Variants in ZDHHC3 observed in about 807,000 individuals in gnomAD.
ZDHHC3 encodes zDHHC palmitoyltransferase 3.
A neutral mutation model predicts 30.6 loss-of-function variants in ZDHHC3; 9 were observed. The observed-to-expected ratio is 0.29, with a 90% CI of 0.18 to 0.51. ZDHHC3 has a LOEUF of 0.51. ZDHHC3 is among the 20% of genes least tolerant of loss of function. The probability of loss-of-function intolerance (pLI) is 0.97; values close to 1 mark genes in which losing one functional copy is unlikely to be tolerated. For missense variants in ZDHHC3, 246 were observed against 384.2 expected (o/e 0.64, Z 3.01); for synonymous variants, 136 against 140.2 (o/e 0.97, Z 0.21).
At position 44,920,886 on chromosome 3, in the gene ZDHHC3, TAGA is replaced by T; in HGVS notation, c.*5800_*5802del. 1.0e-6 allele frequency: 1 copy of T among 985,408 alleles called. No homozygotes were observed. The highest frequency in any genetic ancestry group is 1.2e-6 in the Non-Finnish European group (1 of 829,926). 61.0% of individuals were successfully genotyped at this position (985,408 alleles called of 1,614,324 possible). ...TTCAGGGAGTGTTGACTTTTGAGTC[TAGA>T]AAGAAAATATTGCAAACAAATCCGA... On this transcript the variant is annotated 3_prime_UTR_variant, in exon 7 of 7. Transcript: ENST00000424952.
At position 44,923,646 on chromosome 3, in the gene ZDHHC3, C is replaced by T. The variant is rs772002192; in HGVS notation, c.*3043G>A. On this transcript the variant is annotated 3_prime_UTR_variant, in exon 7 of 7. Transcript: ENST00000424952. Reference sequence around the variant, plus strand: ...GTGAGACCCTGACTCTATTAAAAAACAAAAAAATTAGCCAGGCATGGTAGT... The same window carrying T: ...GTGAGACCCTGACTCTATTAAAAAATAAAAAAATTAGCCAGGCATGGTAGT... The T allele has an allele frequency of 2.4e-5, 20 of 838,326 alleles. No individual in the cohort carries two copies. Among genetic ancestry groups the T allele is most frequent in the Non-Finnish European group, 2.6e-5 (18 of 696,194 alleles). The allele number at this position is 838,326 out of a possible 1,614,324, so 51.9% of individuals were successfully genotyped here. A position where few individuals can be genotyped will look rare whatever the true frequency, so the allele number is the denominator to read the frequency against.
Position 44,917,922 on chromosome 3 carries a change from C to T in ZDHHC3, c.*8767G>A. The T allele has an allele frequency of 7.7e-7, 1 of 1,304,698 alleles. No individual in the cohort carries two copies. Among genetic ancestry groups the T allele is most frequent in the South Asian group, 1.2e-5 (1 of 81,032 alleles). The allele number at this position is 1,304,698 out of a possible 1,614,324, so 80.8% of individuals were successfully genotyped here. A position where few individuals can be genotyped will look rare whatever the true frequency, so the allele number is the denominator to read the frequency against. On this transcript the variant is annotated 3_prime_UTR_variant, in exon 7 of 7. Transcript: ENST00000424952. ...ATTCATCTGTCACCTCCACAGAGTC[C>T]TCGTCCTTTGTCTCCTCTGATGGAT...
At chr3:44,946,515 G>C (rs957767188) in intron 2 of ZDHHC3, among the ~76,000 whole-genome samples, 1 of 152,158 alleles carries the variant, frequency 6.6e-6, no homozygotes, top group Admixed American at 6.6e-5. Flanking sequence ...TAGTGTTTTG[G>C]AGGCTGACAA....
intron 2 of ZDHHC3, among the ~76,000 whole-genome samples, chr3:44,952,909 T>C (rs1703594973): frequency 6.6e-6 from 1 of 152,238 alleles, no homozygotes; most frequent in Non-Finnish European, 1.5e-5. Context: ...CCATCTCTCC[T>C]ACATCACAAG....
intron 1 of ZDHHC3, among the ~76,000 whole-genome samples, chr3:44,972,780 T>C (rs1705510029): frequency 6.6e-6 from 1 of 152,236 alleles, no homozygotes; most frequent in Non-Finnish European, 1.5e-5. Context: ...AATTCTAAAC[T>C]ACTTTTAGGC....
intron 2 of ZDHHC3, 167 bp from the exon 3 acceptor site, chr3:44,945,459 G>T: frequency 9.7e-7 from 1 of 1,035,984 alleles, no homozygotes; most frequent in Non-Finnish European, 1.4e-6. Flanking sequence ...CCAACATTAA[G>T]GAATATTTAT....
At position 44,917,148 on chromosome 3, in the gene ZDHHC3, C is replaced by G. The variant is rs929850945; in HGVS notation, c.*9541G>C. 7 of 152,400 alleles carry G rather than the reference C, an allele frequency of 4.6e-5. No homozygotes were observed. The highest frequency in any genetic ancestry group is 1.7e-4 in the African/African-American group (7 of 41,458). The allele number at this position is 152,400 out of a possible 1,614,324, so 9.4% of individuals were successfully genotyped here. On this transcript the variant is annotated 3_prime_UTR_variant, in exon 7 of 7. Coordinates refer to ENST00000424952, the MANE Select transcript of ZDHHC3 (RefSeq NM_001135179.2). Reference sequence around the variant, plus strand: ...GGCAGGACAGCTCCCAGCTGTCTCGCTCAGTGAAGACTCCAGTGTCTGTGG... The same window carrying G: ...GGCAGGACAGCTCCCAGCTGTCTCGGTCAGTGAAGACTCCAGTGTCTGTGG...
Position 44,918,627 on chromosome 3 carries a change from G to C in ZDHHC3, c.*8062C>G. ...CGATGGGGTTAAGGAAGGAGTGCAG[G>C]ACACAAACAGCATGCGAGGTGAAGA... On this transcript the variant is annotated 3_prime_UTR_variant, in exon 7 of 7. Coordinates refer to ENST00000424952, the MANE Select transcript of ZDHHC3 (RefSeq NM_001135179.2). The C allele has an allele frequency of 3.0e-6, 3 of 985,440 alleles. No individual in the cohort carries two copies. The highest frequency in any genetic ancestry group is 3.6e-6 in the Non-Finnish European group (3 of 829,924). The allele number at this position is 985,440 out of a possible 1,614,324, so 61.0% of individuals were successfully genotyped here.
chr3:44,945,035 G>A (rs1041723600), intron 3 of ZDHHC3, 133 bp downstream of exon 3: 15 of 1,306,296 alleles, frequency 1.1e-5, no homozygotes, highest in Middle Eastern at 2.7e-4. Context: ...CCAGAGCAGG[G>A]GACATTTGGA....
rs1425100918 is a variant in ZDHHC3, at chr3:44,915,664, G to T, written c.*11025C>A. On this transcript the variant is annotated 3_prime_UTR_variant, in exon 7 of 7. Coordinates refer to ENST00000424952, the MANE Select transcript of ZDHHC3 (RefSeq NM_001135179.2). ...CAGAATTGCCTTTGGGGCTGGTGTT[G>T]TACCTCTGCTTTCAGGCCAAGATGG... 2 of 152,156 alleles carry T rather than the reference G, an allele frequency of 1.3e-5. No homozygotes were observed. Among genetic ancestry groups the T allele is most frequent in the Non-Finnish European group, 2.9e-5 (2 of 68,076 alleles). 9.4% of individuals were successfully genotyped at this position (152,156 alleles called of 1,614,324 possible). A position where few individuals can be genotyped will look rare whatever the true frequency, so the allele number is the denominator to read the frequency against.
At chr3:44,962,758 T>C (rs1704595478) in intron 1 of ZDHHC3, among the ~76,000 whole-genome samples, 1 of 152,222 alleles carries the variant, frequency 6.6e-6, no homozygotes, top group South Asian at 2.1e-4. Context: ...TCTCTGTATA[T>C]GATCCTTTGT....
Position 44,958,783 on chromosome 3 carries a change from G to C in ZDHHC3, c.306+348C>G, listed in dbSNP as rs2125907491. On this transcript the variant is annotated intron_variant, in intron 2 of 6. Coordinates refer to ENST00000424952, the MANE Select transcript of ZDHHC3 (RefSeq NM_001135179.2). The stretch of plus-strand genomic sequence containing the variant: ...GACCCAACCCTCCAGCATGCTTTCT[G>C]CTCTGATCATCTGGCCCCAGTCTTC... 4 of 1,040,494 alleles carry C rather than the reference G, an allele frequency of 3.8e-6. No homozygotes were observed. The East Asian group carries it at 7.8e-5, about 20-fold the overall frequency. 64.5% of individuals were successfully genotyped at this position (1,040,494 alleles called of 1,614,324 possible). A position where few individuals can be genotyped will look rare whatever the true frequency, so the allele number is the denominator to read the frequency against.
Position 44,922,352 on chromosome 3 carries a change from C to T in ZDHHC3, c.*4337G>A, listed in dbSNP as rs1700651893. ...GGTTCTACTCTTTTCTCTTTCCCTT[C>T]CGGGCTGCTTCTTCACCCAAAGGGC... On this transcript the variant is annotated 3_prime_UTR_variant, in exon 7 of 7. Transcript: ENST00000424952. 2.0e-6 allele frequency: 2 copies of T among 985,446 alleles called. No homozygotes were observed. The allele number at this position is 985,446 out of a possible 1,614,324, so 61.0% of individuals were successfully genotyped here. A position where few individuals can be genotyped will look rare whatever the true frequency, so the allele number is the denominator to read the frequency against.
chr3:44,941,855 G>A (rs752197200), intron 3 of ZDHHC3, among the ~76,000 whole-genome samples: 18 of 152,118 alleles, frequency 1.2e-4, no homozygotes, highest in Admixed American at 3.9e-4. Context: ...TGGGCTGCAA[G>A]TGGCACACAG....
chr3:44,920,235 C>T lies in ZDHHC3; in HGVS notation c.*6454G>A, dbSNP rs1347793487. On this transcript the variant is annotated 3_prime_UTR_variant, in exon 7 of 7. Transcript: ENST00000424952. ...CATGTGATGCCATGCTGCTTCCTGA[C>T]TGGCCCCTCGCCAGGCCTCCCTTCT... The T allele has an allele frequency of 2.3e-6, 3 of 1,289,848 alleles. No homozygotes were observed. The Admixed American group carries it at 6.9e-5, about 30-fold the overall frequency. The allele number at this position is 1,289,848 out of a possible 1,614,324, so 79.9% of individuals were successfully genotyped here.
intron 2 of ZDHHC3, among the ~76,000 whole-genome samples, chr3:44,950,842 A>ATT (rs1703386781): frequency 1.3e-5 from 2 of 152,206 alleles, no homozygotes; most frequent in Non-Finnish European, 2.9e-5. Context: ...TGAAGGCCTG[A>ATT]GACATTTTTG....
chr3:44,933,517 A>C, intron 4 of ZDHHC3: 1 of 537,914 alleles, frequency 1.9e-6, no homozygotes, highest in Admixed American at 3.3e-5. Context: ...TCCCTTGAAA[A>C]GCCAGGGTGC....
intron 3 of ZDHHC3, among the ~76,000 whole-genome samples, chr3:44,943,168 A>G (rs963743493): frequency 6.6e-6 from 1 of 152,210 alleles, no homozygotes; most frequent in African/African-American, 2.4e-5. Context: ...TCTTTCAGAC[A>G]GAAAAACATA....
intron 2 of ZDHHC3, among the ~76,000 whole-genome samples, chr3:44,947,125 G>A (rs115677539): frequency 0.014 from 2,198 of 152,288 alleles, 59 homozygotes; most frequent in African/African-American, 0.05. Context: ...TTGGGTGGTG[G>A]AGAGGGTAAC....
Sources: gnomAD v4.1 joint callset for allele counts (sites outside exome capture counted in the v4.1 genomes callset) on GRCh38, gnomAD v4.1.1 for gene constraint, MANE v1.5 for transcripts, NCBI Gene and HGNC (gene_info 2026-07-23, HGNC 2026-07-21) for gene names.